EWSR1: variants seen among roughly 807,000 people sequenced by gnomAD.
EWSR1 encodes EWS RNA binding protein 1, also known as RNA-binding protein EWS.
Under a neutral mutation model 92.1 loss-of-function variants are expected in EWSR1, and 14 were observed. That is an observed-to-expected ratio of 0.15 (90% CI 0.10 to 0.24). The LOEUF is 0.24. Among genes scored for constraint, EWSR1 ranks in the 10% least tolerant of loss-of-function variants. The probability of loss-of-function intolerance (pLI) is 1.00; values close to 1 mark genes in which losing one functional copy is unlikely to be tolerated. For synonymous variants in EWSR1, 303 were observed against 292.9 expected (o/e 1.03, Z -0.35); for missense variants, 637 against 870.9 (o/e 0.73, Z 3.38).
intron 6 of EWSR1, among the ~76,000 whole-genome samples, chr22:29,286,499 T>C (rs1410482217): frequency 1.3e-5 from 2 of 151,774 alleles, no homozygotes; most frequent in East Asian, 3.9e-4. Flanking sequence ...CCATCCTGGC[T>C]AACAAGATGA....
Position 29,299,328 on chromosome 22 carries a change from C to T in EWSR1, c.1675C>T (p.Pro559Ser). Residue 559 changes from proline to serine, a missense_variant, in exon 15 of 17, where the codon CCG becomes TCG. Transcript: ENST00000397938. ...CTTCCTCCCGCCACCCTTTCCGCCC[C>T]CGGGTAGGTGCAGGTTTCATGAGTG... ...EGFLPPPFPP[P>S]GGDRGRGGPG... 6.2e-7 allele frequency: 1 copy of T among 1,613,506 alleles called. No individual in the cohort carries two copies. The highest frequency in any genetic ancestry group is 2.2e-5 in the East Asian group (1 of 44,860).
intron 5 of EWSR1, among the ~76,000 whole-genome samples, chr22:29,279,871 GT>G (rs1226870210): frequency 2.6e-5 from 4 of 152,196 alleles, no homozygotes; most frequent in Non-Finnish European, 5.9e-5. Flanking sequence ...TGATGCAACA[GT>G]ATATCCAAGC....
chr22:29,300,014 CTT>C, intron 16 of EWSR1, 106 bp from the exon 17 acceptor site: 4 of 595,666 alleles, frequency 6.7e-6, no homozygotes, highest in East Asian at 1.2e-4. Context: ...TTCCTCACCC[CTT>C]CCCATTCTAA....
At chr22:29,297,740 C>G in intron 12 of EWSR1, 87 bp from the exon 13 acceptor site, 1 of 1,526,632 alleles carries the variant, frequency 6.6e-7, no homozygotes, top group Non-Finnish European at 8.9e-7. Context: ...AGACCTAATG[C>G]ATCTGGGAGT....
At chr22:29,278,250 A>T (rs747328739) in intron 5 of EWSR1, 34 bp downstream of exon 5, 12 of 1,595,250 alleles carry the variant, frequency 7.5e-6, no homozygotes, top group Admixed American at 1.7e-5. Flanking sequence ...CGTCAGTCTT[A>T]TGTTGGAGGG....
intron 5 of EWSR1, among the ~76,000 whole-genome samples, chr22:29,281,187 G>C (rs2059573779): frequency 6.6e-6 from 1 of 151,764 alleles, no homozygotes. Context: ...CCAATTTTTT[G>C]TATTTCTAGT....
chr22:29,292,374 G>A (rs2060501988), intron 10 of EWSR1, 114 bp from the exon 11 acceptor site: 1 of 935,144 alleles, frequency 1.1e-6, no homozygotes. Flanking sequence ...TTCTTAGTAT[G>A]CTTGGTAGTT....
intron 12 of EWSR1, among the ~76,000 whole-genome samples, chr22:29,296,974 GGA>G (rs2060911147): frequency 6.6e-6 from 1 of 152,142 alleles, no homozygotes; most frequent in African/African-American, 2.4e-5. Flanking sequence ...ACTTGAGCCC[GGA>G]GAGTTTGAAG....
intron 14 of EWSR1, 94 bp downstream of exon 14, chr22:29,298,989 G>T: frequency 1.4e-6 from 2 of 1,400,286 alleles, no homozygotes; most frequent in Non-Finnish European, 9.6e-7. Context: ...CTGTCTAGAG[G>T]AACAGAATGA....
chr22:29,281,840 C>T (rs975288221), intron 5 of EWSR1, among the ~76,000 whole-genome samples: 8 of 152,148 alleles, frequency 5.3e-5, no homozygotes, highest in African/African-American at 1.7e-4. Context: ...CCTCCTCGGC[C>T]TCCCAAAGTG....
chr22:29,291,509 G>A (rs1351743168), intron 8 of EWSR1, 53 bp from the exon 9 acceptor site: 1 of 1,590,978 alleles, frequency 6.3e-7, no homozygotes, highest in African/African-American at 1.4e-5. Flanking sequence ...AAGGCTCAGA[G>A]CGGTACTGGC....
chr22:29,290,262 G>T, intron 8 of EWSR1: 2 of 634,488 alleles, frequency 3.2e-6, no homozygotes, highest in Non-Finnish European at 5.3e-6. Flanking sequence ...CCTTTTTATT[G>T]TGGTGTGGTG....
At chr22:29,275,833 G>T (rs1468907648) in intron 4 of EWSR1, 1 of 231,260 alleles carries the variant, frequency 4.3e-6, no homozygotes, top group Non-Finnish European at 8.5e-6. Flanking sequence ...CAAAAGTTTT[G>T]GTTTGTGTAA....
intron 7 of EWSR1, 33 bp downstream of exon 7, chr22:29,287,167 T>C (rs2060107835): frequency 1.3e-6 from 2 of 1,597,160 alleles, no homozygotes; most frequent in East Asian, 2.2e-5. Flanking sequence ...CAAATAAGAA[T>C]GAATGTGTTT....
chr22:29,290,333 TGCCTCAG>T, intron 8 of EWSR1: 1 of 1,418,438 alleles, frequency 7.1e-7, no homozygotes, highest in Non-Finnish European at 9.7e-7. Flanking sequence ...CCTTTTTCAT[TGCCTCAG>T]TATTTTGATA....
chr22:29,294,536 C>T (rs1036451085), intron 11 of EWSR1, among the ~76,000 whole-genome samples: 7 of 149,916 alleles, frequency 4.7e-5, no homozygotes, highest in Non-Finnish European at 8.9e-5. Context: ...ACCTGGGAGG[C>T]GGAGCTTGCA....
intron 1 of EWSR1, among the ~76,000 whole-genome samples, chr22:29,271,045 C>T (rs1197389669): frequency 6.6e-6 from 1 of 152,206 alleles, no homozygotes; most frequent in Admixed American, 6.5e-5. Context: ...CAGCAAAGCT[C>T]TCTCAGGCCG....
chr22:29,283,504 A>G (rs553043094), intron 6 of EWSR1, among the ~76,000 whole-genome samples: 2 of 150,798 alleles, frequency 1.3e-5, no homozygotes, highest in East Asian at 3.9e-4. Context: ...GCATGCCACC[A>G]CACCTGACTA....
intron 6 of EWSR1, among the ~76,000 whole-genome samples, 196 bp from the exon 7 acceptor site, chr22:29,286,727 C>T (rs1488831683): frequency 1.3e-5 from 2 of 150,802 alleles, no homozygotes; most frequent in Admixed American, 6.6e-5. Context: ...TTTGTTTTAC[C>T]CTCCCATTTA....
Sources: allele counts gnomAD v4.1 joint callset (sites outside exome capture counted in the v4.1 genomes callset), GRCh38; gene constraint gnomAD v4.1.1; transcripts MANE v1.5; gene names NCBI Gene and HGNC (gene_info 2026-07-23, HGNC 2026-07-21).